The following RTTN variants were observed in gnomAD, a reference collection of about 807,000 sequenced individuals.
The protein encoded by RTTN is rotatin.
In RTTN, 182 loss-of-function variants were observed where a neutral mutation model predicts 269.2. That is an observed-to-expected ratio of 0.68 (90% confidence interval 0.60 to 0.76). The LOEUF is 0.76. Among genes scored for constraint, RTTN ranks in the 30% least tolerant of loss-of-function variants. The pLI, the probability that RTTN is intolerant of heterozygous loss-of-function variation, is 0.00. For missense variants in RTTN, 2,545 were observed against 2,608.6 expected (o/e 0.98, Z 0.53); for synonymous variants, 1,006 against 963.5 (o/e 1.04, Z -0.82).
At chr18:70,089,778 T>A (rs1046139201) in intron 30 of RTTN, among the ~76,000 whole-genome samples, 1 of 152,210 alleles carries the variant, frequency 6.6e-6, no homozygotes, top group African/African-American at 2.4e-5. Context: ...GCAGAACTTG[T>A]GAGCAATGAA....
intron 32 of RTTN, among the ~76,000 whole-genome samples, chr18:70,080,928 T>TCA (rs138851066): frequency 0.024 from 3,468 of 146,814 alleles, 98 homozygotes; most frequent in African/African-American, 0.074. Context: ...GTGTGTGGTA[T>TCA]CACACACACA....
intron 11 of RTTN, among the ~76,000 whole-genome samples, chr18:70,170,924 G>C (rs1438798771): frequency 1.3e-5 from 2 of 152,148 alleles, no homozygotes; most frequent in Non-Finnish European, 2.9e-5. Flanking sequence ...CTGACTCTAA[G>C]GTTTTTGCCT....
intron 28 of RTTN, among the ~76,000 whole-genome samples, chr18:70,106,846 G>A (rs1179265255): frequency 6.6e-6 from 1 of 152,004 alleles, no homozygotes; most frequent in Non-Finnish European, 1.5e-5. Context: ...TCCATGTCTA[G>A]AATGTCTATT....
intron 29 of RTTN, 105 bp from the exon 30 acceptor site, chr18:70,092,325 T>C: frequency 1.3e-6 from 1 of 765,010 alleles, no homozygotes; most frequent in East Asian, 2.7e-5. Context: ...TGAAAATGTA[T>C]TTTAGACTTG....
intron 32 of RTTN, among the ~76,000 whole-genome samples, chr18:70,082,531 C>T (rs1020186179): frequency 1.1e-4 from 17 of 152,292 alleles, no homozygotes; most frequent in African/African-American, 4.1e-4. Flanking sequence ...AGTCTTCAAA[C>T]TAAACCCAGT....
chr18:70,034,044 C>T (rs1481965135), intron 40 of RTTN, among the ~76,000 whole-genome samples: 2 of 152,096 alleles, frequency 1.3e-5, no homozygotes, highest in Non-Finnish European at 2.9e-5. Context: ...ACAATGAGCT[C>T]TAAAATGGAA....
intron 10 of RTTN, among the ~76,000 whole-genome samples, chr18:70,184,754 GT>G: frequency 8.0e-6 from 1 of 125,756 alleles, no homozygotes; most frequent in African/African-American, 2.7e-5. Flanking sequence ...GTGTGTGTGT[GT>G]GTGGTGGCGG....
intron 16 of RTTN, 86 bp from the exon 17 acceptor site, chr18:70,149,123 C>G: frequency 1.7e-6 from 2 of 1,145,200 alleles, no homozygotes; most frequent in Non-Finnish European, 2.5e-6. Flanking sequence ...ATTGTCCTAT[C>G]AGCAACTCAT....
intron 30 of RTTN, among the ~76,000 whole-genome samples, chr18:70,089,226 T>G (rs2058778677): frequency 6.6e-6 from 1 of 152,134 alleles, no homozygotes; most frequent in Non-Finnish European, 1.5e-5. Context: ...GTGATTACAG[T>G]TAAATGAGGT....
chr18:70,198,963 G>T (rs995474318), intron 5 of RTTN, among the ~76,000 whole-genome samples: 1 of 152,154 alleles, frequency 6.6e-6, no homozygotes, highest in Admixed American at 6.5e-5. Flanking sequence ...AAGAGGGGCG[G>T]ATCACTTGAG....
rs554136370 is a variant in RTTN, at chr18:70,032,141, C to T, written c.5542-1160G>A. 2.6e-5 allele frequency among the ~76,000 whole-genome samples: 4 copies of T among 152,298 alleles called. No individual in the cohort carries two copies. The East Asian group carries it at 5.8e-4, about 22-fold the overall frequency. On this transcript the variant is annotated intron_variant, in intron 40 of 48. Coordinates refer to ENST00000640769, the MANE Select transcript of RTTN (RefSeq NM_173630.4). ...TGCCCATCCCCTTAGGCTAGACTTG[C>T]TCCCATAGGAGACTTTATCCCTAGG...
chr18:70,055,584 G>A (rs751628376), intron 37 of RTTN, among the ~76,000 whole-genome samples: 60 of 152,092 alleles, frequency 3.9e-4, no homozygotes, highest in Middle Eastern at 3.4e-3. Context: ...GTTTACTGCC[G>A]TGAAGTCTTG....
At chr18:70,067,780 C>A (rs1009365841) in intron 34 of RTTN, among the ~76,000 whole-genome samples, 1 of 152,132 alleles carries the variant, frequency 6.6e-6, no homozygotes, top group African/African-American at 2.4e-5. Context: ...GCGGTTTCAA[C>A]GATCGGTGTG....
chr18:70,181,629 T>C (rs1262582101), intron 10 of RTTN, among the ~76,000 whole-genome samples: 2 of 152,338 alleles, frequency 1.3e-5, no homozygotes, highest in East Asian at 1.9e-4. Context: ...TTTGATTATA[T>C]ATCCTCAGGT....
At chr18:70,091,756 C>CTT (rs879690117) in intron 30 of RTTN, 21 of 146,948 alleles carry the variant, frequency 1.4e-4, no homozygotes, top group South Asian at 1.2e-3. Flanking sequence ...TGTTTTGTGT[C>CTT]TTTTTTTTTT....
chr18:70,182,151 T>G (rs2061434650), intron 10 of RTTN, among the ~76,000 whole-genome samples: 1 of 152,142 alleles, frequency 6.6e-6, no homozygotes, highest in Non-Finnish European at 1.5e-5. Flanking sequence ...AAAACCAAGA[T>G]TCAGAACTAT....
At chr18:70,168,766 A>T in intron 12 of RTTN, 89 bp downstream of exon 12, 1 of 965,848 alleles carries the variant, frequency 1.0e-6, no homozygotes, top group Non-Finnish European at 1.6e-6. Flanking sequence ...GTGACAATTT[A>T]ATTATATGTC....
At chr18:70,004,387 T>G (rs1282171083) in intron 48 of RTTN, 151 bp from the exon 49 acceptor site, 4 of 475,302 alleles carry the variant, frequency 8.4e-6, no homozygotes, top group Non-Finnish European at 1.5e-5. Flanking sequence ...CAGAATATTT[T>G]GCATTTTTTA....
chr18:70,169,179 C>T, intron 11 of RTTN, 112 bp from the exon 12 acceptor site: 4 of 745,472 alleles, frequency 5.4e-6, no homozygotes, highest in Non-Finnish European at 8.0e-6. Context: ...TTTAGCAATT[C>T]TTTGTCAAAA....
Sources: allele counts gnomAD v4.1 joint callset (sites outside exome capture counted in the v4.1 genomes callset), GRCh38; gene constraint gnomAD v4.1.1; transcripts MANE v1.5; gene names NCBI Gene and HGNC (gene_info 2026-07-23, HGNC 2026-07-21).